LRRIQ3: variants seen among roughly 807,000 people sequenced by gnomAD.
LRRIQ3 encodes leucine-rich repeat and IQ domain-containing protein 3.
Under a neutral mutation model 59.3 loss-of-function variants are expected in LRRIQ3, and 75 were observed. That is an observed-to-expected ratio of 1.26 (90% CI 1.05 to 1.53). The LOEUF is 1.53. Among genes scored for constraint, LRRIQ3 ranks in the 40% most tolerant of loss-of-function variants. The pLI is 0.00. For missense variants in LRRIQ3, 831 were observed against 710.0 expected (o/e 1.17, Z -1.94); for synonymous variants, 250 against 231.3 (o/e 1.08, Z -0.73).
intron 6 of LRRIQ3, among the ~76,000 whole-genome samples, chr1:74,050,125 T>C (rs1294598802): frequency 6.6e-6 from 1 of 152,032 alleles, no homozygotes; most frequent in African/African-American, 2.4e-5. Flanking sequence ...GGTTTCACCA[T>C]GTTGATCAGG....
chr1:74,095,862 T>C (rs1646442966), intron 5 of LRRIQ3, among the ~76,000 whole-genome samples: 1 of 152,096 alleles, frequency 6.6e-6, no homozygotes, highest in Non-Finnish European at 1.5e-5. Context: ...CTGATGGAGA[T>C]GTTTAGCAGA....
rs147113001 is a variant in LRRIQ3 at position 74,056,657 on chromosome 1, T to C, written c.998-14724A>G. Among the ~76,000 whole-genome samples the C allele has an allele frequency of 2.3e-3, 345 of 152,092 alleles. 4 individuals carry two copies. The highest frequency in any genetic ancestry group is 7.5e-3 in the African/African-American group (312 of 41,518). On this transcript the variant is annotated intron_variant, in intron 6 of 7. Transcript: ENST00000354431. ...AAATAACTAGAAATAAATTTAACCA[T>C]GAAAAGAAAATATTTATATAACATA...
Position 74,111,905 on chromosome 1 carries a change from A to G in LRRIQ3, c.708-2352T>C, listed in dbSNP as rs79365264. On this transcript the variant is annotated intron_variant, in intron 4 of 7. Coordinates refer to ENST00000354431, the MANE Select transcript of LRRIQ3 (RefSeq NM_001105659.2). ...TAAATTTATCTCACATCCCGATCCT[A>G]CCTCCATGTTTCAGAGATATTATGT... Among the ~76,000 whole-genome samples, 485 of 152,050 alleles carry G rather than the reference A, an allele frequency of 3.2e-3. 8 individuals carry two copies. The East Asian group carries it at 0.054, about 17-fold the overall frequency.
chr1:74,045,524 G>A (rs561781608), intron 6 of LRRIQ3, among the ~76,000 whole-genome samples: 1 of 152,178 alleles, frequency 6.6e-6, no homozygotes, highest in East Asian at 1.9e-4. Flanking sequence ...GGCAAAAACC[G>A]GCAGCATTCC....
chr1:74,197,525 G>A (rs1176033455), intron 1 of LRRIQ3, among the ~76,000 whole-genome samples: 1 of 152,186 alleles, frequency 6.6e-6, no homozygotes, highest in Non-Finnish European at 1.5e-5. Context: ...ATTCCTAAGA[G>A]TGTTATTGAA....
At chr1:74,057,796 T>G (rs114363721) in intron 6 of LRRIQ3, among the ~76,000 whole-genome samples, 1 of 152,124 alleles carries the variant, frequency 6.6e-6, no homozygotes, top group Non-Finnish European at 1.5e-5. Flanking sequence ...ATCAGCAGAA[T>G]TGGAGAACAT....
chr1:74,084,625 A>G (rs1396130595), intron 5 of LRRIQ3, among the ~76,000 whole-genome samples: 1 of 151,730 alleles, frequency 6.6e-6, no homozygotes. Flanking sequence ...CTGTCTCTCT[A>G]GTAGTATTAT....
Position 74,041,317 on chromosome 1 carries a change from C to T in LRRIQ3, c.1614G>A (p.Leu538=), listed in dbSNP as rs914864598. The T allele has an allele frequency of 3.1e-6, 5 of 1,613,732 alleles. No individual in the cohort carries two copies. The highest frequency in any genetic ancestry group is 3.4e-6 in the Non-Finnish European group (4 of 1,179,860). Residue 538 remains leucine (L), a synonymous_variant, in exon 7 of 8, where the codon CTG becomes CTA. Transcript: ENST00000354431. The stretch of plus-strand genomic sequence containing the variant: ...CTTTTAGGACAGCCTCATTCTTCTC[C>T]AGTCTGTCAATTTTAAGTAGTCCTC... ...LTRGLLKIDR[L]EKNEAVLKEK...
intron 5 of LRRIQ3, among the ~76,000 whole-genome samples, chr1:74,090,586 C>T (rs538673300): frequency 6.6e-6 from 1 of 151,904 alleles, no homozygotes; most frequent in Non-Finnish European, 1.5e-5. Flanking sequence ...TTTCAAAAAG[C>T]CTTATGAAAG....
chr1:74,044,857 T>C (rs906629105), intron 6 of LRRIQ3, among the ~76,000 whole-genome samples: 1 of 151,830 alleles, frequency 6.6e-6, no homozygotes, highest in South Asian at 2.1e-4. Flanking sequence ...AACTAGAAAA[T>C]CTAGAAGGAA....
At chr1:74,143,640 T>C (rs1647371011) in intron 4 of LRRIQ3, among the ~76,000 whole-genome samples, 1 of 151,708 alleles carries the variant, frequency 6.6e-6, no homozygotes, top group Non-Finnish European at 1.5e-5. Flanking sequence ...TAATCTTCAT[T>C]ATACATAAGT....
chr1:74,178,615 G>T (rs977906528), intron 3 of LRRIQ3, among the ~76,000 whole-genome samples: 2 of 151,974 alleles, frequency 1.3e-5, no homozygotes, highest in Non-Finnish European at 2.9e-5. Flanking sequence ...GTTTTTCTCT[G>T]TGTGACAGAA....
chr1:74,059,184 G>T (rs889837019), intron 6 of LRRIQ3, among the ~76,000 whole-genome samples: 149 of 152,110 alleles, frequency 9.8e-4, no homozygotes, highest in African/African-American at 3.5e-3. Context: ...GAAGCACAAA[G>T]TGGTTTATTT....
intron 6 of LRRIQ3, among the ~76,000 whole-genome samples, chr1:74,054,293 G>A (rs905902454): frequency 6.6e-6 from 1 of 152,070 alleles, no homozygotes; most frequent in Non-Finnish European, 1.5e-5. Flanking sequence ...CATACTGTAT[G>A]ATTCCAGATA....
intron 5 of LRRIQ3, chr1:74,081,790 A>C (rs1233521250): frequency 6.6e-6 from 1 of 151,466 alleles, no homozygotes; most frequent in Non-Finnish European, 1.5e-5. Flanking sequence ...AAATAATTCT[A>C]TATCTTTATC....
At position 74,026,165 on chromosome 1, in the gene LRRIQ3, T is replaced by C. The variant is rs1457230586; in HGVS notation, c.*648A>G. Reference sequence around the variant, plus strand: ...GTCTCTTGCTTCTCTCCTCTGTCTTTTCCCTGTCTTCACATGTATACCAAA... The same window carrying C: ...GTCTCTTGCTTCTCTCCTCTGTCTTCTCCCTGTCTTCACATGTATACCAAA... On this transcript the variant is annotated 3_prime_UTR_variant, in exon 8 of 8. Coordinates refer to ENST00000354431, the MANE Select transcript of LRRIQ3 (RefSeq NM_001105659.2). 6.6e-6 allele frequency: 1 copy of C among 151,988 alleles called. No individual in the cohort carries two copies. Among genetic ancestry groups the C allele is most frequent in the African/African-American group, 2.4e-5 (1 of 41,422 alleles). The allele number at this position is 151,988 out of a possible 1,614,324, so 9.4% of individuals were successfully genotyped here.
intron 4 of LRRIQ3, 94 bp from the exon 5 acceptor site, chr1:74,109,647 T>C (rs1349047105): frequency 1.0e-6 from 1 of 986,756 alleles, no homozygotes; most frequent in Non-Finnish European, 1.5e-6. Flanking sequence ...TTAGAAAACA[T>C]AGTGTTAAAT....
rs186047490 is a variant in LRRIQ3 at position 74,058,637 on chromosome 1, T to A, written c.997+16024A>T. On this transcript the variant is annotated intron_variant, in intron 6 of 7. Coordinates refer to ENST00000354431, the MANE Select transcript of LRRIQ3 (RefSeq NM_001105659.2). ...AAATAGATAGGAGGAATAGGTAAGT[T>A]CTAGTGTTTTGTAGCACTGGGGAGT... Among the ~76,000 whole-genome samples, 481 of 152,164 alleles carry A rather than the reference T, an allele frequency of 3.2e-3. 3 individuals carry two copies. Among genetic ancestry groups the A allele is most frequent in the African/African-American group, 0.011 (463 of 41,562 alleles).
At chr1:74,072,569 A>G (rs955630306) in intron 6 of LRRIQ3, among the ~76,000 whole-genome samples, 1 of 151,928 alleles carries the variant, frequency 6.6e-6, no homozygotes, top group Non-Finnish European at 1.5e-5. Context: ...TGGGCTTGTG[A>G]ACAAAGAAGA....
Sources: allele counts gnomAD v4.1 joint callset (sites outside exome capture counted in the v4.1 genomes callset), GRCh38; gene constraint gnomAD v4.1.1; transcripts MANE v1.5; gene names NCBI Gene and HGNC (gene_info 2026-07-23, HGNC 2026-07-21).